The following MLLT3 variants were observed in gnomAD, a reference collection of about 807,000 sequenced individuals.
The protein encoded by MLLT3 is protein AF-9.
In MLLT3, 4 loss-of-function variants were observed where a neutral mutation model predicts 53.2. That is an observed-to-expected ratio of 0.08 (90% CI 0.04 to 0.17). MLLT3 has a LOEUF of 0.17. MLLT3 is among the 10% of genes least tolerant of loss of function. The probability of loss-of-function intolerance (pLI) is 1.00; values close to 1 mark genes in which losing one functional copy is unlikely to be tolerated. For missense variants in MLLT3, 569 were observed against 684.0 expected, an observed-to-expected ratio of 0.83 and a Z score of 1.87; for synonymous variants, 283 against 230.6, an observed-to-expected ratio of 1.23 and a Z score of -2.06.
Position 20,515,890 on chromosome 9 carries a change from T to C in MLLT3, c.194-59104A>G, listed in dbSNP as rs1587013998. The stretch of plus-strand genomic sequence containing the variant: ...AGACTCTGCGGCTGGGGAGTATGTC[T>C]GAAGAAAATTGAGTCAATATATATT... On this transcript the variant is annotated intron_variant, in intron 2 of 10. Coordinates refer to ENST00000380338, the MANE Select transcript of MLLT3 (RefSeq NM_004529.4). Among the ~76,000 whole-genome samples the C allele has an allele frequency of 3.3e-5, 5 of 152,276 alleles. 1 individual carries two copies. The highest frequency in any genetic ancestry group is 3.3e-4 in the Admixed American group (5 of 15,298).
chr9:20,482,073 G>A (rs998845662), intron 2 of MLLT3, among the ~76,000 whole-genome samples: 9 of 152,154 alleles, frequency 5.9e-5, no homozygotes, highest in African/African-American at 2.2e-4. Flanking sequence ...CCCAATCTAA[G>A]AAAGCCTGTC....
At chr9:20,442,652 T>C (rs1823583463) in intron 4 of MLLT3, among the ~76,000 whole-genome samples, 1 of 152,168 alleles carries the variant, frequency 6.6e-6, no homozygotes, top group East Asian at 1.9e-4. Flanking sequence ...TTGACACAGC[T>C]GCATTACTGA....
intron 7 of MLLT3, 166 bp downstream of exon 7, chr9:20,363,310 T>C: frequency 1.5e-6 from 1 of 658,344 alleles, no homozygotes; most frequent in Non-Finnish European, 2.4e-6. Context: ...GAGAAACAGT[T>C]CCCTGTAAAG....
rs548138456 is a variant in MLLT3, at chr9:20,343,992, C to G, written c.*2451G>C. ...CAAAAAAAATAACGTAACTCTCAGT[C>G]TTAATTTTGTGAAAAACTTACTTTG... is the stretch of plus-strand genomic sequence containing the variant. On this transcript the variant is annotated 3_prime_UTR_variant, in exon 11 of 11. Coordinates refer to ENST00000380338, the MANE Select transcript of MLLT3 (RefSeq NM_004529.4). 38 of 202,604 alleles carry G rather than the reference C, an allele frequency of 1.9e-4. No homozygotes were observed. Among genetic ancestry groups the G allele is most frequent in the African/African-American group, 8.5e-4 (37 of 43,774 alleles). 12.6% of individuals were successfully genotyped at this position (202,604 alleles called of 1,614,324 possible).
intron 4 of MLLT3, among the ~76,000 whole-genome samples, chr9:20,439,076 C>T (rs141903934): frequency 6.6e-6 from 1 of 152,200 alleles, no homozygotes; most frequent in Non-Finnish European, 1.5e-5. Flanking sequence ...AATCTTAGGC[C>T]AGGTGCGGTG....
At chr9:20,357,961 CT>C (rs1394466919) in intron 8 of MLLT3, among the ~76,000 whole-genome samples, 2 of 146,426 alleles carry the variant, frequency 1.4e-5, no homozygotes, top group African/African-American at 5.3e-5. Flanking sequence ...TCTCCCCCTA[CT>C]TTTCTCCCTC....
intron 2 of MLLT3, among the ~76,000 whole-genome samples, chr9:20,501,363 T>TA (rs1273867709): frequency 2.6e-5 from 4 of 152,182 alleles, no homozygotes; most frequent in African/African-American, 7.2e-5. Flanking sequence ...CTCACATAGT[T>TA]AAGGCATCTA....
At chr9:20,566,421 T>G (rs1486886288) in intron 2 of MLLT3, among the ~76,000 whole-genome samples, 1 of 152,098 alleles carries the variant, frequency 6.6e-6, no homozygotes, top group Non-Finnish European at 1.5e-5. Context: ...TTAGGACAAG[T>G]TCAAACAATA....
intron 10 of MLLT3, among the ~76,000 whole-genome samples, chr9:20,351,437 C>G (rs1432768209): frequency 6.6e-6 from 1 of 152,204 alleles, no homozygotes; most frequent in African/African-American, 2.4e-5. Flanking sequence ...AATTATTCAT[C>G]AGTCCTAGGT....
At chr9:20,456,305 TG>T (rs534108900) in intron 3 of MLLT3, among the ~76,000 whole-genome samples, 288 of 152,238 alleles carry the variant, frequency 1.9e-3, no homozygotes, top group African/African-American at 6.7e-3. Flanking sequence ...ATGTATGGTG[TG>T]GGTACCAGCT....
chr9:20,448,732 T>C lies in MLLT3; in HGVS notation c.277-466A>G, dbSNP rs992007003. 6.6e-6 allele frequency among the ~76,000 whole-genome samples: 1 copy of C among 152,186 alleles called. No individual in the cohort carries two copies. The highest frequency in any genetic ancestry group is 1.5e-5 in the Non-Finnish European group (1 of 68,026). On this transcript the variant is annotated intron_variant, in intron 3 of 10. Coordinates refer to ENST00000380338, the MANE Select transcript of MLLT3 (RefSeq NM_004529.4). This position sits in a 1 kb window ranked among gnomAD's most constrained non-coding sequence, Gnocchi z 4.0. ...TATATTCTCTTCAATTCCTCCTCCA[T>C]TCAGGCCTTAAGATTATCTATATGA... is the stretch of plus-strand genomic sequence containing the variant.
chr9:20,604,300 A>G (rs1419018811), intron 2 of MLLT3, among the ~76,000 whole-genome samples: 1 of 152,074 alleles, frequency 6.6e-6, no homozygotes, highest in Non-Finnish European at 1.5e-5. Context: ...ATGAGTTAGT[A>G]TTTCCTCTGA....
At chr9:20,447,179 C>A (rs1317972119) in intron 4 of MLLT3, among the ~76,000 whole-genome samples, 1 of 152,016 alleles carries the variant, frequency 6.6e-6, no homozygotes, top group African/African-American at 2.4e-5. Flanking sequence ...GAAAACTGTG[C>A]CACAAAAAAA....
At chr9:20,433,578 T>C (rs549692957) in intron 4 of MLLT3, among the ~76,000 whole-genome samples, 1 of 152,172 alleles carries the variant, frequency 6.6e-6, no homozygotes, top group South Asian at 2.1e-4. Flanking sequence ...ATCAGGATCA[T>C]GTGATGTGGT....
chr9:20,521,121 G>C (rs1034999793), intron 2 of MLLT3, among the ~76,000 whole-genome samples: 1 of 151,652 alleles, frequency 6.6e-6, no homozygotes, highest in Non-Finnish European at 1.5e-5. Flanking sequence ...ACCCAAGCTG[G>C]AGCACAATGG....
At chr9:20,353,406 G>A in intron 10 of MLLT3, 119 bp downstream of exon 10, 2 of 805,780 alleles carry the variant, frequency 2.5e-6, no homozygotes, top group East Asian at 4.9e-5. Flanking sequence ...TCTACAGGTG[G>A]CATTCGCCAG....
intron 5 of MLLT3, among the ~76,000 whole-genome samples, chr9:20,378,846 T>G (rs894345518): frequency 6.6e-6 from 1 of 152,018 alleles, no homozygotes; most frequent in African/African-American, 2.4e-5. Flanking sequence ...TGTGAAAACT[T>G]AGGAGGTAGA....
chr9:20,417,463 C>G, intron 4 of MLLT3, among the ~76,000 whole-genome samples: 1 of 150,612 alleles, frequency 6.6e-6, no homozygotes. Context: ...AACCATTAAC[C>G]TCAACGTTAA....
At chr9:20,594,201 A>G (rs982159972) in intron 2 of MLLT3, among the ~76,000 whole-genome samples, 7 of 152,082 alleles carry the variant, frequency 4.6e-5, no homozygotes, top group African/African-American at 1.7e-4. Context: ...TCGGCCTCCC[A>G]AAGTGCTGGG....
Sources: allele counts gnomAD v4.1 joint callset (sites outside exome capture counted in the v4.1 genomes callset), GRCh38; gene constraint gnomAD v4.1.1; non-coding constraint Gnocchi (gnomAD v3.1); transcripts MANE v1.5; gene names NCBI Gene and HGNC (gene_info 2026-07-23, HGNC 2026-07-21).